The following ACADL variants were observed in gnomAD, a reference collection of about 807,000 sequenced individuals.
ACADL encodes acyl-CoA dehydrogenase long chain.
ACADL carries 60 observed loss-of-function variants against 56.9 expected under a neutral mutation model. The ratio of observed to expected loss-of-function variants is 1.05; its 90% CI spans 0.86 to 1.31. The LOEUF is 1.31. Among genes scored for constraint, ACADL ranks in the 50% most tolerant of loss-of-function variants. ACADL has a pLI of 0.00. For synonymous variants in ACADL, 158 were observed against 179.7 expected, an observed-to-expected ratio of 0.88 and a Z score of 0.97; for missense variants, 484 against 525.5, an observed-to-expected ratio of 0.92 and a Z score of 0.77.
chr2:210,218,418 C>T lies in ACADL; in HGVS notation c.234-316G>A, dbSNP rs1298577901. The stretch of plus-strand genomic sequence containing the variant: ...ACCTCAGCCTCTTGAGCAGCTAAGA[C>T]TTCAGGTACCTGCCACAAGGCCAGG... On this transcript the variant is annotated intron_variant, in intron 2 of 10. Transcript: ENST00000233710. 16 of 287,014 alleles carry T rather than the reference C, an allele frequency of 5.6e-5. No individual in the cohort carries two copies. In the Admixed American group the frequency reaches 6.0e-4, roughly 11 times the overall value. The allele number at this position is 287,014 out of a possible 1,614,324, so 17.8% of individuals were successfully genotyped here. A position where few individuals can be genotyped will look rare whatever the true frequency, so the allele number is the denominator to read the frequency against.
At chr2:210,210,166 G>C (rs765092864) in intron 5 of ACADL, 30 bp downstream of exon 5, 2 of 1,524,254 alleles carry the variant, frequency 1.3e-6, no homozygotes, top group East Asian at 4.5e-5. Flanking sequence ...ACTCTGAAAA[G>C]AAGGGCTATA....
chr2:210,223,784 A>C lies in ACADL; in HGVS notation c.77+1403T>G, dbSNP rs149779245. ...TTTAGGAAAAGTTATTTTTCATAAA[A>C]ACTGTTATTTATGTTAACATGTAAT... On this transcript the variant is annotated intron_variant, in intron 1 of 10. Coordinates refer to ENST00000233710, the MANE Select transcript of ACADL (RefSeq NM_001608.4). Among the ~76,000 whole-genome samples, 17 of 152,360 alleles carry C rather than the reference A, an allele frequency of 1.1e-4. No homozygotes were observed. In the East Asian group the frequency reaches 2.1e-3, roughly 19 times the overall value.
At chr2:210,220,252 A>C (rs1689152967) in intron 2 of ACADL, among the ~76,000 whole-genome samples, 2 of 152,210 alleles carry the variant, frequency 1.3e-5, no homozygotes, top group Admixed American at 6.5e-5. Context: ...TAATTAGTTA[A>C]TCAAGAACTA....
At chr2:210,215,406 T>A (rs1431657576) in intron 4 of ACADL, among the ~76,000 whole-genome samples, 2 of 152,172 alleles carry the variant, frequency 1.3e-5, no homozygotes, top group East Asian at 3.8e-4. Flanking sequence ...AACTTCTTTC[T>A]CCTTTCCTAC....
Position 210,192,899 on chromosome 2 carries a change from C to G in ACADL, c.1113-9G>C. 1 of 1,609,150 alleles carries G rather than the reference C, an allele frequency of 6.2e-7. No homozygotes were observed. ...TTTGTAACTCAGATGCCCTAAATGA[C>G]CAAAATAAAAGGCAGAAAAGAAATG... On this transcript the variant is annotated splice_polypyrimidine_tract_variant and intron_variant, in intron 9 of 10. Coordinates refer to ENST00000233710, the MANE Select transcript of ACADL (RefSeq NM_001608.4).
chr2:210,220,931 T>A (rs1325078288), intron 1 of ACADL, 129 bp from the exon 2 acceptor site: 5 of 766,442 alleles, frequency 6.5e-6, no homozygotes, highest in African/African-American at 1.8e-5. Context: ...GAGTTTGAAT[T>A]ATGACAAAGC....
intron 4 of ACADL, among the ~76,000 whole-genome samples, chr2:210,215,111 C>G (rs1161372929): frequency 6.6e-6 from 1 of 152,166 alleles, no homozygotes; most frequent in Non-Finnish European, 1.5e-5. Flanking sequence ...TAAGTTCTTT[C>G]TTTGCACTAT....
At chr2:210,199,158 C>T (rs901692951) in intron 8 of ACADL, among the ~76,000 whole-genome samples, 2 of 152,098 alleles carry the variant, frequency 1.3e-5, no homozygotes, top group African/African-American at 4.8e-5. Flanking sequence ...CTCTTGAATA[C>T]AAGGTATAGG....
At chr2:210,213,764 A>C (rs1263817121) in intron 4 of ACADL, among the ~76,000 whole-genome samples, 1 of 152,320 alleles carries the variant, frequency 6.6e-6, no homozygotes, top group African/African-American at 2.4e-5. Flanking sequence ...TCTGGCTCCA[A>C]AGATGTCAAC....
Position 210,188,929 on chromosome 2 carries a change from C to T in ACADL, c.*32G>A. 1.4e-6 allele frequency: 2 copies of T among 1,474,258 alleles called. No homozygotes were observed. The highest frequency in any genetic ancestry group is 2.8e-5 in the African/African-American group (2 of 72,146). 91.3% of individuals were successfully genotyped at this position (1,474,258 alleles called of 1,614,324 possible). A position where few individuals can be genotyped will look rare whatever the true frequency, so the allele number is the denominator to read the frequency against. ...TTGAGCAGATTTAAAACGAGATTAG[C>T]TGTAATAGGACTCCAGGATGTGGGC... On this transcript the variant is annotated 3_prime_UTR_variant, in exon 11 of 11. Coordinates refer to ENST00000233710, the MANE Select transcript of ACADL (RefSeq NM_001608.4).
intron 4 of ACADL, 81 bp downstream of exon 4, chr2:210,216,266 C>T (rs1343050075): frequency 2.3e-5 from 34 of 1,474,630 alleles, no homozygotes; most frequent in Non-Finnish European, 3.0e-5. Context: ...GCATATAGCT[C>T]AGTCTATGTA....
At chr2:210,214,074 C>T (rs995398145) in intron 4 of ACADL, among the ~76,000 whole-genome samples, 6 of 151,854 alleles carry the variant, frequency 4.0e-5, no homozygotes, top group African/African-American at 1.2e-4. Flanking sequence ...TAAAGTAATA[C>T]AACATACAAA....
rs1229910456 is a variant in ACADL at position 210,187,942 on chromosome 2, A to AT, written c.*1018dup. ...TAAAGCTACTTTAAATTAATGGTTT[A>AT]TTTTTTGTAATTACTTTTAAGTCTT... On this transcript the variant is annotated 3_prime_UTR_variant, in exon 11 of 11. Coordinates refer to ENST00000233710, the MANE Select transcript of ACADL (RefSeq NM_001608.4). 2 of 152,162 alleles carry AT rather than the reference A, an allele frequency of 1.3e-5. No homozygotes were observed. The highest frequency in any genetic ancestry group is 4.8e-5 in the African/African-American group (2 of 41,450). 9.4% of individuals were successfully genotyped at this position (152,162 alleles called of 1,614,324 possible).
intron 4 of ACADL, among the ~76,000 whole-genome samples, chr2:210,211,518 T>C (rs990704187): frequency 1.3e-5 from 2 of 152,128 alleles, no homozygotes; most frequent in African/African-American, 4.8e-5. Flanking sequence ...GGAAGGACTT[T>C]CCCCTTGCTG....
chr2:210,197,674 A>G (rs1175468463), intron 8 of ACADL, among the ~76,000 whole-genome samples: 1 of 152,194 alleles, frequency 6.6e-6, no homozygotes, highest in Non-Finnish European at 1.5e-5. Context: ...TTTTGCCTAC[A>G]TGATGCCACA....
intron 5 of ACADL, among the ~76,000 whole-genome samples, chr2:210,209,183 A>C (rs1688940639): frequency 6.6e-6 from 1 of 152,230 alleles, no homozygotes; most frequent in Non-Finnish European, 1.5e-5. Context: ...ATACAGAGAT[A>C]ATAGCCCAAA....
At chr2:210,222,726 GA>G (rs1356520338) in intron 1 of ACADL, among the ~76,000 whole-genome samples, 3 of 152,202 alleles carry the variant, frequency 2.0e-5, no homozygotes, top group Admixed American at 6.5e-5. Flanking sequence ...ATTGTAGCCA[GA>G]GTGGGCTGAG....
At chr2:210,202,988 C>A (rs1361655700) in intron 8 of ACADL, among the ~76,000 whole-genome samples, 1 of 152,226 alleles carries the variant, frequency 6.6e-6, no homozygotes, top group Admixed American at 6.5e-5. Flanking sequence ...CCACTCCCTA[C>A]TCCATGAAGC....
chr2:210,216,424 C>G lies in ACADL; in HGVS notation c.459G>C (p.Gln153His), dbSNP rs1226933537. ...TCATCTGGGGAATAAAGTGCTTAAT[C>G]TGTTCTTCTGAGCCATGGTTTGTAA... Reference protein sequence around the residue: ...SYITNHGSEEQIKHFIPQMTA... With the variant: ...SYITNHGSEEHIKHFIPQMTA... Residue 153 changes from glutamine (Q) to histidine (H), a missense_variant, in exon 4 of 11, where the codon CAG (glutamine) becomes CAC (histidine). Coordinates refer to ENST00000233710, the MANE Select transcript of ACADL (RefSeq NM_001608.4). 4 of 1,613,896 alleles carry G rather than the reference C, an allele frequency of 2.5e-6. No homozygotes were observed. The East Asian group carries it at 6.7e-5, about 27-fold the overall frequency.
Sources: allele counts gnomAD v4.1 joint callset (sites outside exome capture counted in the v4.1 genomes callset), GRCh38; gene constraint gnomAD v4.1.1; transcripts MANE v1.5; gene names NCBI Gene and HGNC (gene_info 2026-07-23, HGNC 2026-07-21).